MACROD2: variants seen among roughly 807,000 people sequenced by gnomAD.
The protein encoded by MACROD2 is mono-ADP ribosylhydrolase 2, also known as ADP-ribose glycohydrolase MACROD2.
A neutral mutation model predicts 70.4 loss-of-function variants in MACROD2; 36 were observed. The ratio of observed to expected loss-of-function variants is 0.51; its 90% CI spans 0.39 to 0.68. The LOEUF (loss-of-function observed/expected upper bound fraction) is 0.68. Ranked by LOEUF, MACROD2 falls within the 30% of genes least tolerant of loss-of-function variation. The pLI is 0.00. For missense variants in MACROD2, 496 were observed against 538.4 expected, an observed-to-expected ratio of 0.92 and a Z score of 0.78; for synonymous variants, 172 against 178.8, an observed-to-expected ratio of 0.96 and a Z score of 0.30.
intron 3 of MACROD2, among the ~76,000 whole-genome samples, chr20:14,135,191 A>G (rs912591749): frequency 2.6e-5 from 4 of 152,190 alleles, no homozygotes; most frequent in African/African-American, 9.7e-5. Flanking sequence ...CAAACCTGAC[A>G]CCAAAAGTAT....
intron 5 of MACROD2, among the ~76,000 whole-genome samples, chr20:15,067,475 G>A (rs531473945): frequency 6.6e-6 from 1 of 152,196 alleles, no homozygotes; most frequent in South Asian, 2.1e-4. Flanking sequence ...TCAGCCACCA[G>A]AGTAGCTGGG....
chr20:14,418,280 G>A (rs1235097915), intron 3 of MACROD2, among the ~76,000 whole-genome samples: 1 of 152,098 alleles, frequency 6.6e-6, no homozygotes, highest in South Asian at 2.1e-4. Flanking sequence ...CATAGCACAG[G>A]CATTATTTCA....
chr20:14,069,503 A>G (rs1388562414), intron 2 of MACROD2, among the ~76,000 whole-genome samples: 3 of 151,804 alleles, frequency 2.0e-5, no homozygotes, highest in East Asian at 3.9e-4. Flanking sequence ...TCTGTCTCCT[A>G]TAGGCATTTG....
intron 3 of MACROD2, among the ~76,000 whole-genome samples, chr20:14,239,204 C>A (rs1470004342): frequency 2.0e-5 from 3 of 152,102 alleles, no homozygotes; most frequent in Non-Finnish European, 4.4e-5. Flanking sequence ...TTACAAAACA[C>A]TGCTGAAAGA....
Position 15,353,175 on chromosome 20 carries a change from A to C in MACROD2, c.541-78230A>C, listed in dbSNP as rs1465935172. On this transcript the variant is annotated intron_variant, in intron 6 of 17. Transcript: ENST00000684519. The stretch of plus-strand genomic sequence containing the variant: ...CAGAGATATAGATCAATGGAACAGA[A>C]CAGAGCCCTCAGAAATAATGCCACA... 5.3e-5 allele frequency among the ~76,000 whole-genome samples: 8 copies of C among 151,540 alleles called. No individual in the cohort carries two copies. The East Asian group carries it at 1.4e-3, about 26-fold the overall frequency.
chr20:14,243,586 T>A (rs1253891267), intron 3 of MACROD2, among the ~76,000 whole-genome samples: 1 of 152,188 alleles, frequency 6.6e-6, no homozygotes, highest in Non-Finnish European at 1.5e-5. Context: ...TTATTCACTT[T>A]GGCTAAGAGC....
rs866777535 is a variant in MACROD2, at chr20:15,731,385, G to A, written c.646-131360G>A. Among the ~76,000 whole-genome samples the A allele has an allele frequency of 1.0e-4, 6 of 57,608 alleles. 2 individuals are homozygous for A. Among genetic ancestry groups the A allele is most frequent in the Admixed American group, 8.7e-4 (5 of 5,720 alleles). 37.8% of individuals were successfully genotyped at this position (57,608 alleles called of 152,430 possible). On this transcript the variant is annotated intron_variant, in intron 8 of 17. Coordinates refer to ENST00000684519, the MANE Select transcript of MACROD2 (RefSeq NM_001351661.2). ...TTTTATATTCTCTGATGCCCTTGGGGGTTTGATTGTGGTATAAGGTGAGTT... is the reference window on the plus strand; with the variant it reads ...TTTTATATTCTCTGATGCCCTTGGGAGTTTGATTGTGGTATAAGGTGAGTT...
chr20:14,799,506 C>T (rs754250070), intron 5 of MACROD2, among the ~76,000 whole-genome samples: 3 of 151,984 alleles, frequency 2.0e-5, no homozygotes, highest in African/African-American at 4.8e-5. Context: ...TCTGCATTAA[C>T]GAGGAAAGTA....
chr20:15,255,692 T>C (rs539455844), intron 6 of MACROD2, among the ~76,000 whole-genome samples: 1 of 152,272 alleles, frequency 6.6e-6, no homozygotes, highest in African/African-American at 2.4e-5. Flanking sequence ...GTCACAGTTA[T>C]ATTTTACAAG....
intron 6 of MACROD2, among the ~76,000 whole-genome samples, chr20:15,266,600 C>T (rs981456604): frequency 1.2e-4 from 18 of 152,228 alleles, no homozygotes; most frequent in African/African-American, 4.3e-4. Flanking sequence ...TTCCACTTTT[C>T]TTTCTCTCTA....
At chr20:14,180,604 G>A (rs555177186) in intron 3 of MACROD2, among the ~76,000 whole-genome samples, 1 of 152,062 alleles carries the variant, frequency 6.6e-6, no homozygotes, top group South Asian at 2.1e-4. Context: ...CAGTCTAAGA[G>A]TAATTATGAA....
At chr20:15,634,007 C>T (rs2049329215) in intron 8 of MACROD2, among the ~76,000 whole-genome samples, 1 of 152,204 alleles carries the variant, frequency 6.6e-6, no homozygotes, top group Non-Finnish European at 1.5e-5. Context: ...ACCATGAACA[C>T]ATATCCTTCA....
chr20:15,250,431 CA>C (rs1438414361), intron 6 of MACROD2, among the ~76,000 whole-genome samples: 1 of 152,104 alleles, frequency 6.6e-6, no homozygotes, highest in Non-Finnish European at 1.5e-5. Flanking sequence ...ACTTTGCTGG[CA>C]TTTTTTATTG....
At chr20:15,454,329 T>C (rs981326673) in intron 7 of MACROD2, among the ~76,000 whole-genome samples, 7 of 151,476 alleles carry the variant, frequency 4.6e-5, no homozygotes, top group Non-Finnish European at 7.4e-5. Flanking sequence ...TTCCCTGCCT[T>C]ACATCCTGCC....
At chr20:15,239,315 T>C (rs1400587591) in intron 6 of MACROD2, among the ~76,000 whole-genome samples, 1 of 151,620 alleles carries the variant, frequency 6.6e-6, no homozygotes, top group Non-Finnish European at 1.5e-5. Flanking sequence ...AACAAATCTG[T>C]CAGTGGAAAG....
intron 3 of MACROD2, among the ~76,000 whole-genome samples, chr20:14,431,038 A>G (rs2083989193): frequency 6.6e-6 from 1 of 152,238 alleles, no homozygotes; most frequent in Non-Finnish European, 1.5e-5. Context: ...TCTCTGAGGC[A>G]CTGGTATTTT....
At chr20:14,684,822 A>T in intron 4 of MACROD2, 21 bp from the exon 5 acceptor site, 3 of 1,593,538 alleles carry the variant, frequency 1.9e-6, no homozygotes, top group Non-Finnish European at 1.7e-6. Context: ...ATATAAGCTA[A>T]CTTTCTTCTT....
At chr20:15,866,742 C>T (rs187748678) in intron 9 of MACROD2, among the ~76,000 whole-genome samples, 1 of 152,228 alleles carries the variant, frequency 6.6e-6, no homozygotes, top group Non-Finnish European at 1.5e-5. Flanking sequence ...TCTTCTAGTA[C>T]CTATAAATAC....
chr20:14,724,453 A>G (rs924537064), intron 5 of MACROD2, among the ~76,000 whole-genome samples: 31 of 152,154 alleles, frequency 2.0e-4, no homozygotes, highest in African/African-American at 7.2e-4. Context: ...GAAAATTCCT[A>G]TTTTTGACTT....
Sources: gnomAD v4.1 joint callset for allele counts (sites outside exome capture counted in the v4.1 genomes callset) on GRCh38, gnomAD v4.1.1 for gene constraint, MANE v1.5 for transcripts, NCBI Gene and HGNC (gene_info 2026-07-23, HGNC 2026-07-21) for gene names.